The following NFIB variants were observed in gnomAD, a reference collection of about 807,000 sequenced individuals.
NFIB encodes the protein nuclear factor I B.
NFIB carries 11 observed loss-of-function variants against 61.5 expected under a neutral mutation model. The observed-to-expected ratio is 0.18, with a 90% CI of 0.11 to 0.30. The LOEUF (loss-of-function observed/expected upper bound fraction) is 0.30, where lower values mean the gene tolerates loss of function less well. Ranked by LOEUF, NFIB falls within the 10% of genes least tolerant of loss-of-function variation. The probability of loss-of-function intolerance (pLI) is 1.00; values close to 1 mark genes in which losing one functional copy is unlikely to be tolerated. For synonymous variants in NFIB, 260 were observed against 216.5 expected (o/e 1.20, Z -1.76); for missense variants, 471 against 608.9 (o/e 0.77, Z 2.38).
chr9:14,221,653 A>G (rs2051690837), intron 2 of NFIB, among the ~76,000 whole-genome samples: 1 of 152,132 alleles, frequency 6.6e-6, no homozygotes, highest in Non-Finnish European at 1.5e-5. Context: ...TGTCCTCTCC[A>G]TAACTTATTT....
intron 10 of NFIB, among the ~76,000 whole-genome samples, chr9:14,095,743 AG>A (rs2034672251): frequency 6.6e-6 from 1 of 152,172 alleles, no homozygotes; most frequent in Non-Finnish European, 1.5e-5. Flanking sequence ...TACCTCTTAA[AG>A]GTGAAACTTA....
At chr9:14,408,427 C>T in the NFIB span, among the ~76,000 whole-genome samples, 4 of 152,182 alleles carry the variant, frequency 2.6e-5, no homozygotes, top group Non-Finnish European at 5.9e-5. Flanking sequence ...TGACTTTCTT[C>T]CCCATGGTAC....
intron 1 of NFIB, among the ~76,000 whole-genome samples, chr9:14,311,549 ATTG>A (rs75881437): frequency 0.26 from 38,916 of 150,168 alleles, 6,001 homozygotes; most frequent in South Asian, 0.36. Flanking sequence ...ATCACAAGTT[ATTG>A]TTGTTAAGTG....
the NFIB span, among the ~76,000 whole-genome samples, chr9:14,509,215 C>A: frequency 6.6e-6 from 1 of 152,146 alleles, no homozygotes. Flanking sequence ...AGGAATAAAT[C>A]AGACACTTTC....
chr9:14,403,150 T>G (rs2133057135), upstream of NFIB, among the ~76,000 whole-genome samples: 1 of 152,296 alleles, frequency 6.6e-6, no homozygotes, highest in South Asian at 2.1e-4. Context: ...CAGCCCCTTT[T>G]CAAACACATA....
chr9:14,452,507 G>GAAAGGAAAGC, the NFIB span, among the ~76,000 whole-genome samples: 3 of 142,558 alleles, frequency 2.1e-5, no homozygotes, highest in African/African-American at 8.1e-5. Flanking sequence ...GAAAGGAAAG[G>GAAAGGAAAGC]AAAGGAGGAA....
intron 1 of NFIB, among the ~76,000 whole-genome samples, chr9:14,333,827 T>C (rs2060850514): frequency 6.6e-6 from 1 of 152,148 alleles, no homozygotes. Context: ...GATGAAAAAT[T>C]ATTGGCAATG....
intron 2 of NFIB, among the ~76,000 whole-genome samples, chr9:14,280,886 T>C (rs545048543): frequency 6.6e-6 from 1 of 152,342 alleles, no homozygotes; most frequent in South Asian, 2.1e-4. Context: ...ATATGTTATA[T>C]AGTTGTGATC....
At chr9:14,277,335 GCACACACAGACACACACACA>G (rs989256201) in intron 2 of NFIB, among the ~76,000 whole-genome samples, 3 of 85,208 alleles carry the variant, frequency 3.5e-5, no homozygotes, top group African/African-American at 8.9e-5. Context: ...ACACGTGCAC[GCACACACAGACACACACACA>G]CACACACACA....
chr9:14,479,789 G>A, the NFIB span, among the ~76,000 whole-genome samples: 1 of 152,166 alleles, frequency 6.6e-6, no homozygotes, highest in African/African-American at 2.4e-5. Flanking sequence ...GTAAGGCTTT[G>A]TTAATAAAGA....
At chr9:14,434,531 C>G in the NFIB span, among the ~76,000 whole-genome samples, 2 of 152,132 alleles carry the variant, frequency 1.3e-5, no homozygotes, top group African/African-American at 2.4e-5. Flanking sequence ...TAGGGGAAGC[C>G]AAAGTCAGTA....
chr9:14,457,211 G>A, the NFIB span, among the ~76,000 whole-genome samples: 1 of 152,158 alleles, frequency 6.6e-6, no homozygotes, highest in Non-Finnish European at 1.5e-5. Flanking sequence ...GTGGGAAGAT[G>A]AACTGGATAT....
intron 2 of NFIB, among the ~76,000 whole-genome samples, chr9:14,297,682 G>A (rs952909884): frequency 6.6e-6 from 1 of 152,092 alleles, no homozygotes; most frequent in South Asian, 2.1e-4. Context: ...TAAACAGTAC[G>A]CAACACGCAA....
the NFIB span, among the ~76,000 whole-genome samples, chr9:14,404,103 T>C: frequency 1.3e-5 from 2 of 152,184 alleles, no homozygotes; most frequent in African/African-American, 4.8e-5. Context: ...CTGTATTATA[T>C]AATTAAAAGA....
chr9:14,193,099 T>C (rs1365136139), intron 2 of NFIB, among the ~76,000 whole-genome samples: 1 of 151,654 alleles, frequency 6.6e-6, no homozygotes, highest in Admixed American at 6.6e-5. Flanking sequence ...TTTTTTGTAA[T>C]GCATACTGAT....
the NFIB span, among the ~76,000 whole-genome samples, chr9:14,422,498 G>A: frequency 6.6e-5 from 10 of 152,130 alleles, no homozygotes; most frequent in Non-Finnish European, 1.3e-4. Context: ...GTATTAGCTG[G>A]AACTCTTTCA....
intron 1 of NFIB, among the ~76,000 whole-genome samples, chr9:14,347,878 A>G (rs1405229777): frequency 6.6e-6 from 1 of 152,034 alleles, no homozygotes; most frequent in African/African-American, 2.4e-5. Flanking sequence ...GCCGCCCAGC[A>G]AGGGCCGAGC....
At chr9:14,404,023 T>C in the NFIB span, among the ~76,000 whole-genome samples, 1 of 152,202 alleles carries the variant, frequency 6.6e-6, no homozygotes, top group Non-Finnish European at 1.5e-5. Context: ...AAAGATAAAA[T>C]GGAGAAAACC....
intron 3 of NFIB, among the ~76,000 whole-genome samples, chr9:14,167,317 T>C (rs1587238484): frequency 6.6e-6 from 1 of 152,042 alleles, no homozygotes; most frequent in Non-Finnish European, 1.5e-5. Context: ...CCGAGGCAGG[T>C]GGATCACTTG....
Sources: gnomAD v4.1 joint callset for allele counts (sites outside exome capture counted in the v4.1 genomes callset) on GRCh38, gnomAD v4.1.1 for gene constraint, MANE v1.5 for transcripts, NCBI Gene and HGNC (gene_info 2026-07-23, HGNC 2026-07-21) for gene names.